SLC35F3: variants seen among roughly 807,000 people sequenced by gnomAD.
The protein encoded by SLC35F3 is solute carrier family 35 member F3, also known as putative thiamine transporter SLC35F3.
SLC35F3 carries 25 observed loss-of-function variants against 49.9 expected under a neutral mutation model. The observed-to-expected ratio is 0.50, with a 90% confidence interval of 0.37 to 0.70. The LOEUF is 0.70. Ranked by LOEUF, SLC35F3 falls within the 30% of genes least tolerant of loss-of-function variation. The pLI, the probability that SLC35F3 is intolerant of heterozygous loss-of-function variation, is 0.00. For missense variants in SLC35F3, 525 were observed against 639.8 expected, an observed-to-expected ratio of 0.82 and a Z score of 1.94; for synonymous variants, 275 against 265.4, an observed-to-expected ratio of 1.04 and a Z score of -0.35.
chr1:234,146,939 G>T (rs1666006851), intron 2 of SLC35F3, among the ~76,000 whole-genome samples: 1 of 152,154 alleles, frequency 6.6e-6, no homozygotes, highest in Non-Finnish European at 1.5e-5. Context: ...TGAGAGGTTT[G>T]CTTCAGATTC....
At chr1:234,014,349 G>C (rs947393295) in intron 2 of SLC35F3, among the ~76,000 whole-genome samples, 8 of 152,064 alleles carry the variant, frequency 5.3e-5, no homozygotes, top group African/African-American at 1.9e-4. Flanking sequence ...TAGCACAATA[G>C]AGGCCGTATA....
chr1:234,214,807 C>A lies in SLC35F3; in HGVS notation c.284-16610C>A. The A allele has an allele frequency of 2.1e-6, 1 of 481,222 alleles. No individual in the cohort carries two copies. Among genetic ancestry groups the A allele is most frequent in the Non-Finnish European group, 3.5e-6 (1 of 282,244 alleles). The allele number at this position is 481,222 out of a possible 1,614,324, so 29.8% of individuals were successfully genotyped here. A position where few individuals can be genotyped will look rare whatever the true frequency, so the allele number is the denominator to read the frequency against. On this transcript the variant is annotated intron_variant, in intron 2 of 7. Coordinates refer to ENST00000366618, the MANE Select transcript of SLC35F3 (RefSeq NM_173508.4). This position sits in a 1 kb window ranked among gnomAD's most constrained non-coding sequence, Gnocchi z 8.0. ...GCTGCTGCGGCGAGTGAGCACCCGG[C>A]TCCCCAACCCTCTCCTTCCTGGGCA... is the stretch of plus-strand genomic sequence containing the variant.
chr1:234,142,432 T>G (rs1665931374), intron 2 of SLC35F3, among the ~76,000 whole-genome samples: 1 of 152,178 alleles, frequency 6.6e-6, no homozygotes, highest in Non-Finnish European at 1.5e-5. Flanking sequence ...AGAGCCGTTT[T>G]GTCCACTGCG....
intron 2 of SLC35F3, among the ~76,000 whole-genome samples, chr1:234,059,597 C>G (rs1347549331): frequency 1.3e-5 from 2 of 148,422 alleles, no homozygotes; most frequent in Non-Finnish European, 1.5e-5. Flanking sequence ...AGAGCTAGAG[C>G]TAGAGACATA....
rs570638552 is a variant in SLC35F3, at chr1:234,275,828, G to T, written c.609-33273G>T. On this transcript the variant is annotated intron_variant, in intron 3 of 7. Coordinates refer to ENST00000366618, the MANE Select transcript of SLC35F3 (RefSeq NM_173508.4). The stretch of plus-strand genomic sequence containing the variant: ...GCTGCTGCTAGCTAACATTTGTTTA[G>T]TATTAATATGTGCCAGGTACTATTC... Among the ~76,000 whole-genome samples, 8 of 150,998 alleles carry T rather than the reference G, an allele frequency of 5.3e-5. No homozygotes were observed. The South Asian group carries it at 1.7e-3, about 32-fold the overall frequency.
intron 3 of SLC35F3, among the ~76,000 whole-genome samples, chr1:234,284,011 T>A (rs144677001): frequency 1.4e-4 from 21 of 152,256 alleles, no homozygotes; most frequent in Non-Finnish European, 2.6e-4. Flanking sequence ...GCTCAAGCGA[T>A]CCTTCCTCCT....
chr1:234,290,166 A>G (rs1668483485), intron 3 of SLC35F3, among the ~76,000 whole-genome samples: 1 of 152,246 alleles, frequency 6.6e-6, no homozygotes, highest in Non-Finnish European at 1.5e-5. Flanking sequence ...GTGATGAGAA[A>G]TACAAAAAAT....
intron 2 of SLC35F3, among the ~76,000 whole-genome samples, chr1:234,056,245 T>C (rs1006869673): frequency 3.7e-5 from 5 of 135,928 alleles, no homozygotes; most frequent in Non-Finnish European, 8.6e-5. Context: ...AAAATCATGC[T>C]CTTATTTTAA....
At chr1:234,007,955 C>A (rs548676830) in intron 2 of SLC35F3, among the ~76,000 whole-genome samples, 5 of 152,152 alleles carry the variant, frequency 3.3e-5, no homozygotes, top group African/African-American at 1.2e-4. Flanking sequence ...CATTATGAGA[C>A]TAGGGCTAAA....
rs1664076926 is a variant in SLC35F3, at chr1:234,032,369, T to TA, written c.283+126611_283+126612insA. Among the ~76,000 whole-genome samples the TA allele has an allele frequency of 6.6e-5, 10 of 152,130 alleles. No homozygotes were observed. In the East Asian group the frequency reaches 7.7e-4, roughly 12 times the overall value. ...TAGATTCTTTTTATATTTTTTTCTT[T>TA]TAAAAAAAAATTCAATAGGTTTTTG... On this transcript the variant is annotated intron_variant, in intron 2 of 7. Transcript: ENST00000366618.
At chr1:233,936,057 A>T (rs1662321275) in intron 2 of SLC35F3, among the ~76,000 whole-genome samples, 1 of 152,194 alleles carries the variant, frequency 6.6e-6, no homozygotes, top group Admixed American at 6.5e-5. Flanking sequence ...GTCTTTCTGC[A>T]TCCTAAGCAG....
At chr1:234,225,493 T>C (rs994823689) in intron 2 of SLC35F3, among the ~76,000 whole-genome samples, 3 of 152,198 alleles carry the variant, frequency 2.0e-5, no homozygotes, top group African/African-American at 7.2e-5. Flanking sequence ...GCTGGAACTC[T>C]AGTTTCCAGA....
chr1:234,307,299 C>T (rs1470639840), intron 3 of SLC35F3, among the ~76,000 whole-genome samples: 2 of 152,170 alleles, frequency 1.3e-5, no homozygotes, highest in Non-Finnish European at 2.9e-5. Context: ...TACCTGGCCC[C>T]GGTTTGTTCA....
chr1:234,021,525 G>A (rs1224141060), intron 2 of SLC35F3, among the ~76,000 whole-genome samples: 3 of 152,160 alleles, frequency 2.0e-5, no homozygotes, highest in Admixed American at 2.0e-4. Flanking sequence ...TCAAAGCCAT[G>A]CATAACCACA....
chr1:234,054,964 T>C (rs1277304889), intron 2 of SLC35F3, among the ~76,000 whole-genome samples: 1 of 152,162 alleles, frequency 6.6e-6, no homozygotes, highest in East Asian at 1.9e-4. Flanking sequence ...ACAGCAAATA[T>C]TGCAGAACGG....
intron 2 of SLC35F3, among the ~76,000 whole-genome samples, chr1:233,909,921 G>A (rs775635308): frequency 2.0e-5 from 3 of 152,172 alleles, no homozygotes; most frequent in Non-Finnish European, 2.9e-5. Flanking sequence ...ACAAATTCCT[G>A]ACCCTCTCCT....
At chr1:234,030,864 C>T (rs540469272) in intron 2 of SLC35F3, among the ~76,000 whole-genome samples, 1 of 152,306 alleles carries the variant, frequency 6.6e-6, no homozygotes, top group Admixed American at 6.5e-5. Context: ...AGTTACTCTC[C>T]TAATCGACAT....
intron 2 of SLC35F3, among the ~76,000 whole-genome samples, chr1:234,001,952 G>T (rs1172864172): frequency 1.3e-5 from 2 of 152,134 alleles, no homozygotes; most frequent in Non-Finnish European, 2.9e-5. Flanking sequence ...AGTAACAGTG[G>T]CAAATCCATT....
chr1:234,136,981 A>T (rs1665821542), intron 2 of SLC35F3, among the ~76,000 whole-genome samples: 1 of 152,194 alleles, frequency 6.6e-6, no homozygotes, highest in Non-Finnish European at 1.5e-5. Flanking sequence ...GCAAATATTT[A>T]TTGGGGCCCT....
Sources: allele counts gnomAD v4.1 joint callset (sites outside exome capture counted in the v4.1 genomes callset), GRCh38; gene constraint gnomAD v4.1.1; non-coding constraint Gnocchi (gnomAD v3.1); transcripts MANE v1.5; gene names NCBI Gene and HGNC (gene_info 2026-07-23, HGNC 2026-07-21).